INO80D: variants seen among roughly 807,000 people sequenced by gnomAD.
INO80D encodes the protein INO80 complex subunit D.
In INO80D, 21 loss-of-function variants were observed where a neutral mutation model predicts 87.6. That is an observed-to-expected ratio of 0.24 (90% CI 0.17 to 0.35). The LOEUF (loss-of-function observed/expected upper bound fraction) is 0.35, where lower values mean the gene tolerates loss of function less well. Ranked by LOEUF, INO80D falls within the 10% of genes least tolerant of loss-of-function variation. The probability of loss-of-function intolerance (pLI) is 1.00; values close to 1 mark genes in which losing one functional copy is unlikely to be tolerated. For synonymous variants in INO80D, 440 were observed against 491.0 expected, an observed-to-expected ratio of 0.90 and a Z score of 1.37; for missense variants, 982 against 1,280.7, an observed-to-expected ratio of 0.77 and a Z score of 3.56.
chr2:206,007,257 T>C (rs1688051379), intron 10 of INO80D, 27 bp downstream of exon 10: 1 of 1,597,178 alleles, frequency 6.3e-7, no homozygotes, highest in Non-Finnish European at 8.5e-7. Context: ...TAAAACCAGT[T>C]TCCTTGAGTC....
intron 8 of INO80D, among the ~76,000 whole-genome samples, chr2:206,015,331 T>A (rs1455942831): frequency 1.3e-5 from 2 of 152,166 alleles, no homozygotes; most frequent in African/African-American, 4.8e-5. Flanking sequence ...CCTCCCATCA[T>A]AGGCCTGGAG....
chr2:206,013,695 GA>G (rs1688240047), intron 8 of INO80D, among the ~76,000 whole-genome samples: 1 of 151,972 alleles, frequency 6.6e-6, no homozygotes, highest in Non-Finnish European at 1.5e-5. Context: ...ACTTTAAAAT[GA>G]AAATATGCAG....
At chr2:206,042,943 G>A (rs540392879) in intron 5 of INO80D, among the ~76,000 whole-genome samples, 3 of 152,226 alleles carry the variant, frequency 2.0e-5, no homozygotes, top group East Asian at 1.9e-4. Flanking sequence ...CTGCACTCCC[G>A]CCTGGGTGAT....
chr2:206,008,140 C>T (rs1253272875), intron 9 of INO80D, among the ~76,000 whole-genome samples: 2 of 151,940 alleles, frequency 1.3e-5, no homozygotes, highest in Non-Finnish European at 2.9e-5. Flanking sequence ...CACCACTATG[C>T]CAAGCTAATT....
intron 1 of INO80D, among the ~76,000 whole-genome samples, chr2:206,066,748 T>A (rs545127851): frequency 9.5e-4 from 139 of 147,078 alleles, no homozygotes; most frequent in Non-Finnish European, 8.3e-4. Context: ...GTGGTTGCAG[T>A]GAGCCGAGAT....
rs1337401568 is a variant in INO80D, at chr2:206,019,987, G to C, written c.1299-142C>G. ...CAGTCACTAAATAAAATGCAAATGT[G>C]ATTTAAAGAAAGACGGTATTACAAT... is the stretch of plus-strand genomic sequence containing the variant. On this transcript the variant is annotated intron_variant, in intron 6 of 10. Coordinates refer to ENST00000403263, the MANE Select transcript of INO80D (RefSeq NM_017759.5). 2.3e-5 allele frequency: 12 copies of C among 532,800 alleles called. No individual in the cohort carries two copies. The South Asian group carries it at 4.1e-4, about 18-fold the overall frequency. 33.0% of individuals were successfully genotyped at this position (532,800 alleles called of 1,614,324 possible).
At chr2:206,011,482 C>T (rs1284447801) in intron 8 of INO80D, among the ~76,000 whole-genome samples, 5 of 152,186 alleles carry the variant, frequency 3.3e-5, no homozygotes, top group African/African-American at 1.2e-4. Flanking sequence ...CTGAGGCTTT[C>T]CTAATGCCAG....
At chr2:206,030,462 C>CT (rs1553616742) in intron 5 of INO80D, among the ~76,000 whole-genome samples, 1 of 140,526 alleles carries the variant, frequency 7.1e-6, no homozygotes, top group Non-Finnish European at 1.5e-5. Context: ...GACTTTGTCT[C>CT]AAAAAAAAAA....
Position 206,000,388 on chromosome 2 carries a change from A to T in INO80D, c.*3980T>A, listed in dbSNP as rs1687888730. 1 of 151,078 alleles carries T rather than the reference A, an allele frequency of 6.6e-6. No individual in the cohort carries two copies. 9.4% of individuals were successfully genotyped at this position (151,078 alleles called of 1,614,324 possible). A position where few individuals can be genotyped will look rare whatever the true frequency, so the allele number is the denominator to read the frequency against. ...ATGATGCCCACTGACCATCACCAGC[A>T]CCCCTAGGATGCCAAGGCACGGCAA... is the stretch of plus-strand genomic sequence containing the variant. On this transcript the variant is annotated 3_prime_UTR_variant, in exon 11 of 11. Coordinates refer to ENST00000403263, the MANE Select transcript of INO80D (RefSeq NM_017759.5).
At chr2:206,035,315 G>A (rs1483727541) in intron 5 of INO80D, among the ~76,000 whole-genome samples, 1 of 152,010 alleles carries the variant, frequency 6.6e-6, no homozygotes, top group African/African-American at 2.4e-5. Flanking sequence ...CAAATCTGGA[G>A]GCAACACACT....
In INO80D at chr2:206,003,577, G is replaced by T. The variant is rs957764671; in HGVS notation, c.*791C>A. ...CTGTTTCTTCTTGGGCTAACTTTTA[G>T]CAGAAAAAGGTTGTGCTACTCACAC... is the stretch of plus-strand genomic sequence containing the variant. On this transcript the variant is annotated 3_prime_UTR_variant, in exon 11 of 11. Coordinates refer to ENST00000403263, the MANE Select transcript of INO80D (RefSeq NM_017759.5). The T allele has an allele frequency of 3.9e-5, 6 of 152,164 alleles. No individual in the cohort carries two copies. Among genetic ancestry groups the T allele is most frequent in the African/African-American group, 1.2e-4 (5 of 41,414 alleles). 9.4% of individuals were successfully genotyped at this position (152,164 alleles called of 1,614,324 possible).
rs71410859 is a variant in INO80D at position 206,078,061 on chromosome 2, C to CAAAAAAAAAAAAAAAAA, written c.-124+7823_-124+7839dup. 1.4e-4 allele frequency among the ~76,000 whole-genome samples: 9 copies of CAAAAAAAAAAAAAAAAA among 63,062 alleles called. 2 individuals carry two copies. Among genetic ancestry groups the CAAAAAAAAAAAAAAAAA allele is most frequent in the Admixed American group, 5.0e-4 (2 of 3,996 alleles). 41.4% of individuals were successfully genotyped at this position (63,062 alleles called of 152,430 possible). A position where few individuals can be genotyped will look rare whatever the true frequency, so the allele number is the denominator to read the frequency against. On this transcript the variant is annotated intron_variant, in intron 1 of 10. Coordinates refer to ENST00000403263, the MANE Select transcript of INO80D (RefSeq NM_017759.5). ...TTCCAGCAAGTTGTTGCAATGTTTACAAAAAAAAAAAAAAAAAAAAAAAAA... is the reference window on the plus strand; with the variant it reads ...TTCCAGCAAGTTGTTGCAATGTTTACAAAAAAAAAAAAAAAAAAAAAAAAAAAAAAAAAAAAAAAAAA...
chr2:206,039,810 CAAAAA>C (rs35689223), intron 5 of INO80D, among the ~76,000 whole-genome samples: 2 of 101,108 alleles, frequency 2.0e-5, no homozygotes, highest in Admixed American at 1.1e-4. Flanking sequence ...CCTCTGTCTC[CAAAAA>C]AAAAAAAAAA....
intron 1 of INO80D, among the ~76,000 whole-genome samples, chr2:206,078,771 C>A (rs1299116197): frequency 6.6e-6 from 1 of 151,972 alleles, no homozygotes; most frequent in Non-Finnish European, 1.5e-5. Context: ...ATGGTGAAAC[C>A]CCGTCTCTAC....
At chr2:206,042,571 C>T (rs1689079167) in intron 5 of INO80D, among the ~76,000 whole-genome samples, 1 of 151,634 alleles carries the variant, frequency 6.6e-6, no homozygotes, top group African/African-American at 2.4e-5. Flanking sequence ...AATCCTGCTA[C>T]TCGGGAGGCT....
intron 4 of INO80D, among the ~76,000 whole-genome samples, chr2:206,049,140 T>C (rs932973365): frequency 1.3e-5 from 2 of 152,208 alleles, no homozygotes; most frequent in African/African-American, 2.4e-5. Context: ...ATTGCTTCCA[T>C]AGTTTAAATG....
At position 206,002,191 on chromosome 2, in the gene INO80D, G is replaced by A. The variant is rs779001461; in HGVS notation, c.*2177C>T. 3 of 152,160 alleles carry A rather than the reference G, an allele frequency of 2.0e-5. No homozygotes were observed. The highest frequency in any genetic ancestry group is 2.9e-5 in the Non-Finnish European group (2 of 68,020). 9.4% of individuals were successfully genotyped at this position (152,160 alleles called of 1,614,324 possible). A position where few individuals can be genotyped will look rare whatever the true frequency, so the allele number is the denominator to read the frequency against. On this transcript the variant is annotated 3_prime_UTR_variant, in exon 11 of 11. Coordinates refer to ENST00000403263, the MANE Select transcript of INO80D (RefSeq NM_017759.5). ...TGGACAGTTATCTAGTTATGCTTAT[G>A]ATGGTTGTGAAAATAGTTTAACAAA...
rs1014180723 is a variant in INO80D at position 206,000,912 on chromosome 2, C to G, written c.*3456G>C. On this transcript the variant is annotated 3_prime_UTR_variant, in exon 11 of 11. Coordinates refer to ENST00000403263, the MANE Select transcript of INO80D (RefSeq NM_017759.5). Reference sequence around the variant, plus strand: ...TCTCATAGAGGGGCACTAGACACACCACACTGCCTGCCAACATGAAATTGC... The same window carrying G: ...TCTCATAGAGGGGCACTAGACACACGACACTGCCTGCCAACATGAAATTGC... The G allele has an allele frequency of 3.0e-4, 46 of 152,184 alleles. No homozygotes were observed. The highest frequency in any genetic ancestry group is 1.0e-3 in the African/African-American group (43 of 41,448). 9.4% of individuals were successfully genotyped at this position (152,184 alleles called of 1,614,324 possible).
chr2:206,029,994 G>GA (rs1688718287), intron 5 of INO80D, among the ~76,000 whole-genome samples: 1 of 152,180 alleles, frequency 6.6e-6, no homozygotes, highest in Admixed American at 6.5e-5. Context: ...TACTGAACCA[G>GA]AATCTCCATG....
Sources: allele counts gnomAD v4.1 joint callset (sites outside exome capture counted in the v4.1 genomes callset), GRCh38; gene constraint gnomAD v4.1.1; transcripts MANE v1.5; gene names NCBI Gene and HGNC (gene_info 2026-07-23, HGNC 2026-07-21).